The following PAGE2B variants were observed in gnomAD, a reference collection of about 807,000 sequenced individuals.
PAGE2B encodes the protein PAGE family member 2B, also known as putative G antigen family E member 3.
Under a neutral mutation model 7.6 loss-of-function variants are expected in PAGE2B, and 5 were observed. The observed-to-expected ratio is 0.66, with a 90% CI of 0.34 to 1.38. PAGE2B has a LOEUF of 1.38. Among genes scored for constraint, PAGE2B ranks in the 40% most tolerant of loss-of-function variants. The pLI, the probability that PAGE2B is intolerant of heterozygous loss-of-function variation, is 0.04. For synonymous variants in PAGE2B, 29 were observed against 26.7 expected, an observed-to-expected ratio of 1.09 and a Z score of -0.27; for missense variants, 70 against 78.4, an observed-to-expected ratio of 0.89 and a Z score of 0.41.
At chrX:55,075,888 G>A (rs1183228279) in intron 1 of PAGE2B, 146 bp from the exon 2 acceptor site, 6 of 554,805 alleles carry the variant, frequency 1.1e-5, no homozygotes, top group African/African-American at 2.4e-5. Flanking sequence ...TGATTGGAAA[G>A]CGTGGGTACT....
the PAGE2B span, among the ~76,000 whole-genome samples, chrX:55,051,324 T>C: frequency 1.4e-3 from 158 of 110,954 alleles, no homozygotes; most frequent in African/African-American, 4.7e-3. Context: ...TTTGTGGCAT[T>C]CTCTGTATTT....
the PAGE2B span, among the ~76,000 whole-genome samples, chrX:55,041,293 G>T: frequency 9.2e-6 from 1 of 109,260 alleles, no homozygotes; most frequent in Admixed American, 9.8e-5. Context: ...ATGTTAGCCA[G>T]GATGGTCTCG....
the PAGE2B span, among the ~76,000 whole-genome samples, chrX:55,066,170 A>T: frequency 9.5e-4 from 106 of 111,494 alleles, no homozygotes; most frequent in Admixed American, 7.0e-3. Flanking sequence ...GGCTCACTGC[A>T]ACCTCCACCT....
At chrX:55,052,226 G>A in the PAGE2B span, among the ~76,000 whole-genome samples, 1 of 112,344 alleles carries the variant, frequency 8.9e-6, no homozygotes, top group Non-Finnish European at 1.9e-5. Flanking sequence ...CCTACTGGGG[G>A]GTGCCTCCCA....
chrX:55,057,471 A>G, the PAGE2B span, among the ~76,000 whole-genome samples: 2 of 111,575 alleles, frequency 1.8e-5, no homozygotes, highest in East Asian at 5.6e-4. Context: ...CAGTCTATGG[A>G]ATGGCCTTGA....
the PAGE2B span, among the ~76,000 whole-genome samples, chrX:55,038,720 T>G: frequency 1.8e-5 from 2 of 111,799 alleles, no homozygotes; most frequent in Non-Finnish European, 3.8e-5. Flanking sequence ...ATGCTTCAAA[T>G]GCATTTAGAT....
the PAGE2B span, among the ~76,000 whole-genome samples, chrX:55,036,343 T>C: frequency 1.8e-5 from 2 of 111,100 alleles, no homozygotes; most frequent in South Asian, 7.7e-4. Flanking sequence ...CTATGTTGAA[T>C]AGGAGTGGTG....
the PAGE2B span, among the ~76,000 whole-genome samples, chrX:55,030,583 G>T: frequency 9.9e-5 from 11 of 110,913 alleles, no homozygotes; most frequent in African/African-American, 3.6e-4. Flanking sequence ...GAGACGGAGA[G>T]ATACAAAGCC....
chrX:55,031,048 C>A, the PAGE2B span: 1 of 325,473 alleles, frequency 3.1e-6, no homozygotes, highest in South Asian at 2.9e-5. Context: ...TGCCTTCTGC[C>A]GGCCTGGCCC....
chrX:55,072,941 A>T (rs1936464242), upstream of PAGE2B, among the ~76,000 whole-genome samples: 1 of 111,578 alleles, frequency 9.0e-6, no homozygotes, highest in Non-Finnish European at 1.9e-5. Context: ...AGTCCCAGGT[A>T]GACATCAGAC....
chrX:55,052,075 T>G, the PAGE2B span, among the ~76,000 whole-genome samples: 133 of 112,181 alleles, frequency 1.2e-3, no homozygotes, highest in African/African-American at 4.1e-3. Context: ...GGAGGTCCAC[T>G]CCAGACCCTG....
the PAGE2B span, among the ~76,000 whole-genome samples, chrX:55,069,504 C>CTTT: frequency 9.4e-6 from 1 of 106,291 alleles, no homozygotes; most frequent in African/African-American, 3.4e-5. Flanking sequence ...AATTCTCTCT[C>CTTT]TTTTTTTTTT....
At chrX:55,040,811 T>C in the PAGE2B span, among the ~76,000 whole-genome samples, 7 of 111,515 alleles carry the variant, frequency 6.3e-5, no homozygotes, top group African/African-American at 2.3e-4. Context: ...TTATGTTAAG[T>C]ATATTTTACC....
At chrX:55,048,503 T>C in the PAGE2B span, among the ~76,000 whole-genome samples, 2 of 111,743 alleles carry the variant, frequency 1.8e-5, no homozygotes, top group Admixed American at 9.6e-5. Context: ...TGTAGTTCTC[T>C]TTGAAGAAGT....
At chrX:55,068,833 T>C in the PAGE2B span, among the ~76,000 whole-genome samples, 1 of 111,672 alleles carries the variant, frequency 9.0e-6, no homozygotes, top group African/African-American at 3.3e-5. Flanking sequence ...GATTTGGCTC[T>C]CTGTTTGTCT....
At chrX:55,052,877 C>T in the PAGE2B span, among the ~76,000 whole-genome samples, 1 of 112,961 alleles carries the variant, frequency 8.9e-6, no homozygotes, top group South Asian at 3.6e-4. Flanking sequence ...CACCCGTCTT[C>T]TGCGTCGCTC....
At chrX:55,068,596 G>A in the PAGE2B span, among the ~76,000 whole-genome samples, 1,645 of 111,774 alleles carry the variant, frequency 0.015, 32 homozygotes, top group African/African-American at 0.051. Context: ...TAGCTTGATC[G>A]GGATAGCATT....
At chrX:55,053,592 C>T in the PAGE2B span, among the ~76,000 whole-genome samples, 1 of 111,658 alleles carries the variant, frequency 9.0e-6, no homozygotes, top group Non-Finnish European at 1.9e-5. Flanking sequence ...CATACATGTA[C>T]AGTTCAATAT....
At chrX:55,071,063 T>C (rs894236029), upstream of PAGE2B, among the ~76,000 whole-genome samples, 4 of 112,352 alleles carry the variant, frequency 3.6e-5, no homozygotes, top group African/African-American at 1.3e-4. Flanking sequence ...TATGTGCATT[T>C]GATCCTGCCA....
Sources: gnomAD v4.1 joint callset for allele counts (sites outside exome capture counted in the v4.1 genomes callset) on GRCh38, gnomAD v4.1.1 for gene constraint, MANE v1.5 for transcripts, NCBI Gene and HGNC (gene_info 2026-07-23, HGNC 2026-07-21) for gene names.